Variants in IGFL4 observed in about 807,000 individuals in gnomAD.
The protein encoded by IGFL4 is insulin growth factor-like family member 4.
In IGFL4, 12 loss-of-function variants were observed where a neutral mutation model predicts 15.4. That is an observed-to-expected ratio of 0.78 (90% CI 0.50 to 1.26). The LOEUF (loss-of-function observed/expected upper bound fraction) is 1.26. Among genes scored for constraint, IGFL4 ranks in the 50% most tolerant of loss-of-function variants. The probability of loss-of-function intolerance (pLI) is 0.00; values close to 1 mark genes in which losing one functional copy is unlikely to be tolerated. For synonymous variants in IGFL4, 54 were observed against 55.9 expected, an observed-to-expected ratio of 0.97 and a Z score of 0.16; for missense variants, 126 against 147.8, an observed-to-expected ratio of 0.85 and a Z score of 0.76.
rs776958910 is a variant in IGFL4, at chr19:46,040,600, T to C, written c.20-32A>G. The stretch of plus-strand genomic sequence containing the variant: ...AGCAGAAGGAGAGCGAGAATGATTC[T>C]GAGGTCACTAGGTCTTGACCACGGG... On this transcript the variant is annotated intron_variant, in intron 1 of 3. Transcript: ENST00000377697. This position sits in a 1 kb window ranked among gnomAD's most constrained non-coding sequence, Gnocchi z 4.1. 3.1e-6 allele frequency: 5 copies of C among 1,612,790 alleles called. No homozygotes were observed. In the Admixed American group the frequency reaches 8.3e-5, roughly 27 times the overall value.
At chr19:46,075,192 T>G (rs1969583678) in intron 1 of IGFL4, among the ~76,000 whole-genome samples, 2 of 152,196 alleles carry the variant, frequency 1.3e-5, no homozygotes, top group Admixed American at 6.5e-5. Flanking sequence ...GCTTCTTACA[T>G]TAGTATTTTA....
At chr19:46,055,714 C>G (rs1415501295) in intron 2 of IGFL4, among the ~76,000 whole-genome samples, 1 of 152,054 alleles carries the variant, frequency 6.6e-6, no homozygotes, top group African/African-American at 2.4e-5. Context: ...ACTTTGTTCT[C>G]AATATTTTAC....
intron 2 of IGFL4, among the ~76,000 whole-genome samples, chr19:46,056,943 T>C (rs1969398770): frequency 6.6e-6 from 1 of 152,190 alleles, no homozygotes; most frequent in Non-Finnish European, 1.5e-5. Flanking sequence ...CTTTTGATCA[T>C]GTGCACCCTC....
At chr19:46,072,063 G>A (rs1600680356) in intron 1 of IGFL4, among the ~76,000 whole-genome samples, 1 of 152,296 alleles carries the variant, frequency 6.6e-6, no homozygotes, top group East Asian at 1.9e-4. Flanking sequence ...CCAACTTACA[G>A]CCATTAAGGG....
intron 1 of IGFL4, among the ~76,000 whole-genome samples, chr19:46,071,145 TTTC>T (rs1478815434): frequency 6.6e-6 from 1 of 152,022 alleles, no homozygotes; most frequent in East Asian, 1.9e-4. Flanking sequence ...TTTTTTTTTT[TTTC>T]TTTTTTTCTC....
At chr19:46,056,042 G>A (rs980237118) in intron 2 of IGFL4, among the ~76,000 whole-genome samples, 8 of 152,174 alleles carry the variant, frequency 5.3e-5, no homozygotes, top group South Asian at 4.1e-4. Context: ...CTTCCAAAGC[G>A]CTGGCATTAC....
intron 1 of IGFL4, among the ~76,000 whole-genome samples, chr19:46,069,283 C>T (rs117687892): frequency 0.02 from 3,062 of 152,300 alleles, 39 homozygotes; most frequent in Non-Finnish European, 0.033. Context: ...TGCTCTGTCT[C>T]TTCCTACCCT....
intron 1 of IGFL4, among the ~76,000 whole-genome samples, chr19:46,061,716 C>G (rs1373791440): frequency 6.6e-6 from 1 of 152,150 alleles, no homozygotes; most frequent in East Asian, 1.9e-4. Context: ...CAAAGTCAAT[C>G]AGCCCATTCT....
At chr19:46,058,391 C>T (rs182883140) in intron 2 of IGFL4, 70 of 152,470 alleles carry the variant, frequency 4.6e-4, no homozygotes, top group Non-Finnish European at 1.5e-4. Flanking sequence ...GCAGCTCTGC[C>T]TCTGTGTCTT....
chr19:46,073,438 T>C (rs1027958780), intron 1 of IGFL4, among the ~76,000 whole-genome samples: 2 of 152,140 alleles, frequency 1.3e-5, no homozygotes, highest in African/African-American at 4.8e-5. Flanking sequence ...CTCATACACA[T>C]GTAGTTTCAT....
At chr19:46,074,395 T>C (rs1401885256) in intron 1 of IGFL4, among the ~76,000 whole-genome samples, 1 of 151,932 alleles carries the variant, frequency 6.6e-6, no homozygotes, top group Admixed American at 6.6e-5. Context: ...TGTATACTTA[T>C]TATAATTAAT....
chr19:46,040,855 G>A lies in IGFL4; in HGVS notation c.19+89C>T. On this transcript the variant is annotated intron_variant, in intron 1 of 3. Transcript: ENST00000377697. This position sits in a 1 kb window ranked among gnomAD's most constrained non-coding sequence, Gnocchi z 4.1. ...AGGTGGGACACCAATAATTAAATAG[G>A]GAAGAGAGAATTAACTTTGAAGTTC... 8.1e-7 allele frequency: 1 copy of A among 1,242,196 alleles called. No homozygotes were observed. The highest frequency in any genetic ancestry group is 1.2e-6 in the Non-Finnish European group (1 of 865,864). The allele number at this position is 1,242,196 out of a possible 1,614,324, so 76.9% of individuals were successfully genotyped here. A position where few individuals can be genotyped will look rare whatever the true frequency, so the allele number is the denominator to read the frequency against.
chr19:46,040,665 A>ACAGCT lies in IGFL4; in HGVS notation c.20-102_20-98dup, dbSNP rs1488432893. ...CTCTGAGCTTCTCTGGTTGCTGTTA[A>ACAGCT]CAGCTCAGAGTGGATTTTGGGACTG... is the stretch of plus-strand genomic sequence containing the variant. On this transcript the variant is annotated intron_variant, in intron 1 of 3. Transcript: ENST00000377697. This position sits in a 1 kb window ranked among gnomAD's most constrained non-coding sequence, Gnocchi z 4.1. 6 of 1,413,042 alleles carry ACAGCT rather than the reference A, an allele frequency of 4.2e-6. No individual in the cohort carries two copies. Among genetic ancestry groups the ACAGCT allele is most frequent in the African/African-American group, 1.4e-5 (1 of 70,560 alleles). 87.5% of individuals were successfully genotyped at this position (1,413,042 alleles called of 1,614,324 possible).
intron 1 of IGFL4, among the ~76,000 whole-genome samples, chr19:46,073,365 T>G (rs1969564327): frequency 6.6e-6 from 1 of 152,128 alleles, no homozygotes; most frequent in South Asian, 2.1e-4. Context: ...AGTTCCTTCT[T>G]TCCTTAATAT....
rs551000314 is a variant in IGFL4, at chr19:46,046,731, C to T, written c.-322-5621G>A. Among the ~76,000 whole-genome samples, 8 of 152,238 alleles carry T rather than the reference C, an allele frequency of 5.3e-5. No homozygotes were observed. In the East Asian group the frequency reaches 1.5e-3, roughly 29 times the overall value. On this transcript the variant is annotated intron_variant, in intron 2 of 5. Coordinates refer to the IGFL4 transcript ENST00000601672. ...TAAGTATCCTAAATATATATGCATC[C>T]AATACAGGAGAACCCAGATTCATAA...
Position 46,068,518 on chromosome 19 carries a change from C to T in IGFL4, c.-431-8225G>A, listed in dbSNP as rs368387384. Among the ~76,000 whole-genome samples, 193 of 152,298 alleles carry T rather than the reference C, an allele frequency of 1.3e-3. 6 individuals are homozygous for T. In the South Asian group the frequency reaches 0.025, roughly 20 times the overall value. On this transcript the variant is annotated intron_variant, in intron 1 of 5. Coordinates refer to the IGFL4 transcript ENST00000601672. Reference sequence around the variant, plus strand: ...TTTGAACTTTTCCCTTATTTGTCATCCCGCTTTGTTGATTCTGTAACCAGG... The same window carrying T: ...TTTGAACTTTTCCCTTATTTGTCATTCCGCTTTGTTGATTCTGTAACCAGG...
At chr19:46,052,999 G>A (rs989671753) in intron 2 of IGFL4, among the ~76,000 whole-genome samples, 2 of 149,984 alleles carry the variant, frequency 1.3e-5, no homozygotes, top group Non-Finnish European at 3.0e-5. Flanking sequence ...AGGAACCCTC[G>A]GTGGAAAGTA....
chr19:46,063,987 G>A (rs150873030), intron 1 of IGFL4, among the ~76,000 whole-genome samples: 2,872 of 151,520 alleles, frequency 0.019, 54 homozygotes, highest in East Asian at 0.073. Flanking sequence ...CAGGAGAATC[G>A]CTTGAACCCG....
intron 2 of IGFL4, among the ~76,000 whole-genome samples, chr19:46,054,300 G>T (rs1194177294): frequency 4.6e-5 from 7 of 152,142 alleles, no homozygotes; most frequent in Non-Finnish European, 8.8e-5. Flanking sequence ...ATCCATGGGA[G>T]TCTAGTTTCA....
Sources: gnomAD v4.1 joint callset for allele counts (sites outside exome capture counted in the v4.1 genomes callset) on GRCh38, gnomAD v4.1.1 for gene constraint, Gnocchi (gnomAD v3.1) non-coding constraint, MANE v1.5 for transcripts, NCBI Gene and HGNC (gene_info 2026-07-23, HGNC 2026-07-21) for gene names.